ENTREP2: variants seen among roughly 807,000 people sequenced by gnomAD.
ENTREP2 encodes the protein protein ENTREP2.
At chr15:29,556,707 T>C in the ENTREP2 span, among the ~76,000 whole-genome samples, 1 of 152,036 alleles carries the variant, frequency 6.6e-6, no homozygotes, top group Non-Finnish European at 1.5e-5. Flanking sequence ...TCTTCTTCCA[T>C]GCAAGGCTCT....
chr15:29,394,766 ATTC>A, the ENTREP2 span, among the ~76,000 whole-genome samples: 2 of 150,174 alleles, frequency 1.3e-5, no homozygotes, highest in Admixed American at 6.6e-5. Flanking sequence ...GACAACCACC[ATTC>A]TTCTTTCTGT....
the ENTREP2 span, among the ~76,000 whole-genome samples, chr15:29,518,111 GA>G: frequency 6.6e-6 from 1 of 152,106 alleles, no homozygotes; most frequent in South Asian, 2.1e-4. Flanking sequence ...GGAGACAGAG[GA>G]AATGGGTAAC....
At chr15:29,628,159 G>A in the ENTREP2 span, among the ~76,000 whole-genome samples, 1 of 152,182 alleles carries the variant, frequency 6.6e-6, no homozygotes, top group Non-Finnish European at 1.5e-5. Flanking sequence ...TTCAATTTGG[G>A]AGGATAATAA....
the ENTREP2 span, among the ~76,000 whole-genome samples, chr15:29,489,967 A>T: frequency 6.6e-6 from 1 of 152,276 alleles, no homozygotes. Context: ...TTCTGAAATG[A>T]AACTGTCTCT....
chr15:29,118,893 G>A, the ENTREP2 span, among the ~76,000 whole-genome samples: 1 of 152,222 alleles, frequency 6.6e-6, no homozygotes, highest in African/African-American at 2.4e-5. Flanking sequence ...GCGGTGGCCT[G>A]GGGTCCAGCT....
chr15:29,597,890 G>A, the ENTREP2 span, among the ~76,000 whole-genome samples: 3 of 152,200 alleles, frequency 2.0e-5, no homozygotes, highest in South Asian at 6.2e-4. Flanking sequence ...GGGAGGCCGA[G>A]GAGTGTGGAT....
the ENTREP2 span, among the ~76,000 whole-genome samples, chr15:29,161,167 G>A: frequency 6.6e-6 from 1 of 152,158 alleles, no homozygotes; most frequent in African/African-American, 2.4e-5. Context: ...AAGAATGTAA[G>A]GCCTTGACTG....
the ENTREP2 span, among the ~76,000 whole-genome samples, chr15:29,553,443 A>G: frequency 1.3e-5 from 2 of 152,232 alleles, no homozygotes; most frequent in Non-Finnish European, 2.9e-5. Context: ...AATCTGAAAA[A>G]AAATACACGA....
the ENTREP2 span, among the ~76,000 whole-genome samples, chr15:29,194,034 T>C: frequency 6.6e-6 from 1 of 152,274 alleles, no homozygotes; most frequent in African/African-American, 2.4e-5. Flanking sequence ...ATATGTCAAG[T>C]CTCTTCAAAG....
the ENTREP2 span, among the ~76,000 whole-genome samples, chr15:29,309,819 G>A: frequency 2.7e-5 from 4 of 150,520 alleles, no homozygotes; most frequent in Admixed American, 6.6e-5. Flanking sequence ...CAGTGGTAAT[G>A]CCTATCCCAT....
chr15:29,292,540 A>G, the ENTREP2 span, among the ~76,000 whole-genome samples: 1 of 151,908 alleles, frequency 6.6e-6, no homozygotes, highest in Non-Finnish European at 1.5e-5. Flanking sequence ...GCCACTACGC[A>G]TGGCTAATTT....
the ENTREP2 span, chr15:29,264,952 A>G: frequency 1.3e-5 from 2 of 152,208 alleles, no homozygotes; most frequent in African/African-American, 2.4e-5. Context: ...AGAAAACTGT[A>G]TGTTATTACA....
chr15:29,241,193 G>C, the ENTREP2 span, among the ~76,000 whole-genome samples: 1 of 152,136 alleles, frequency 6.6e-6, no homozygotes, highest in Admixed American at 6.6e-5. Context: ...ACTGAGGTCA[G>C]GCCTGCGATA....
At chr15:29,479,895 G>C in the ENTREP2 span, among the ~76,000 whole-genome samples, 361 of 152,210 alleles carry the variant, frequency 2.4e-3, no homozygotes, top group African/African-American at 8.4e-3. Flanking sequence ...TCTAGGAATG[G>C]AGCCACAGAG....
the ENTREP2 span, among the ~76,000 whole-genome samples, chr15:29,651,738 C>A: frequency 6.6e-6 from 1 of 152,248 alleles, no homozygotes; most frequent in East Asian, 1.9e-4. Context: ...CACCGACACA[C>A]CAGCTCCCTA....
At chr15:29,566,151 TTTTGTTTG>T in the ENTREP2 span, among the ~76,000 whole-genome samples, 13 of 151,672 alleles carry the variant, frequency 8.6e-5, no homozygotes, top group Admixed American at 7.2e-4. Flanking sequence ...TATATATATT[TTTTGTTTG>T]TTTGTTTGTT....
chr15:29,337,306 T>C, the ENTREP2 span, among the ~76,000 whole-genome samples: 1 of 152,070 alleles, frequency 6.6e-6, no homozygotes, highest in Non-Finnish European at 1.5e-5. Flanking sequence ...AAAGCCTACC[T>C]ATGGATCTGT....
chr15:29,490,446 CTT>C, the ENTREP2 span, among the ~76,000 whole-genome samples: 1 of 152,186 alleles, frequency 6.6e-6, no homozygotes, highest in Non-Finnish European at 1.5e-5. Context: ...CTTTTATTCC[CTT>C]GTCTGACCCC....
chr15:29,255,537 T>C, the ENTREP2 span, among the ~76,000 whole-genome samples: 1 of 152,024 alleles, frequency 6.6e-6, no homozygotes, highest in Non-Finnish European at 1.5e-5. Context: ...CAAAGGAAAA[T>C]ACATTGTTTT....
Sources: gnomAD v4.1 joint callset for allele counts (sites outside exome capture counted in the v4.1 genomes callset) on GRCh38, gnomAD v4.1.1 for gene constraint, MANE v1.5 for transcripts, NCBI Gene and HGNC (gene_info 2026-07-23, HGNC 2026-07-21) for gene names.